The following LRIF1 variants were observed in gnomAD, a reference collection of about 807,000 sequenced individuals.
LRIF1 encodes the protein ligand dependent nuclear receptor interacting factor 1.
A neutral mutation model predicts 52.7 loss-of-function variants in LRIF1; 32 were observed. The ratio of observed to expected loss-of-function variants is 0.61; its 90% CI spans 0.46 to 0.82. The LOEUF (loss-of-function observed/expected upper bound fraction) is 0.82, where lower values mean the gene tolerates loss of function less well. Ranked by LOEUF, LRIF1 falls within the 40% of genes least tolerant of loss-of-function variation. The probability of loss-of-function intolerance (pLI) is 0.00; values close to 1 mark genes in which losing one functional copy is unlikely to be tolerated. For synonymous variants in LRIF1, 323 were observed against 317.4 expected (o/e 1.02, Z -0.19); for missense variants, 887 against 892.0 (o/e 0.99, Z 0.07).
chr1:110,963,516 C>A (rs780287350), intron 1 of LRIF1, 105 bp downstream of exon 1: 6 of 913,364 alleles, frequency 6.6e-6, no homozygotes, highest in Admixed American at 4.8e-5. Flanking sequence ...ACTCTGCGGG[C>A]TCCAACTCCT....
chr1:110,894,398 G>C, the LRIF1 span: 58 of 1,611,872 alleles, frequency 3.6e-5, no homozygotes, highest in Non-Finnish European at 4.9e-5. Context: ...TATATGAACA[G>C]AAGGTAAGTT....
intron 1 of LRIF1, chr1:110,963,339 G>A (rs150004065): frequency 5.1e-4 from 128 of 251,726 alleles, no homozygotes; most frequent in African/African-American, 2.7e-3. Flanking sequence ...GGCCATCTTG[G>A]TTTTCATCTC....
chr1:110,894,669 G>A, the LRIF1 span, among the ~76,000 whole-genome samples: 1 of 152,164 alleles, frequency 6.6e-6, no homozygotes. Context: ...TGGCAGGAGA[G>A]AATGTCTGCC....
the LRIF1 span, chr1:110,892,389 C>G: frequency 1.9e-6 from 3 of 1,613,982 alleles, no homozygotes; most frequent in African/African-American, 1.3e-5. Context: ...ACCTGCTGAT[C>G]CACAACAACT....
the LRIF1 span, among the ~76,000 whole-genome samples, chr1:110,907,477 C>T: frequency 1.4e-4 from 22 of 152,144 alleles, no homozygotes; most frequent in East Asian, 9.6e-4. Context: ...GAGCCAGGCG[C>T]GGTGGCTCAC....
the LRIF1 span, among the ~76,000 whole-genome samples, chr1:110,914,582 C>T: frequency 6.6e-6 from 1 of 152,006 alleles, no homozygotes; most frequent in Non-Finnish European, 1.5e-5. Flanking sequence ...GGTGAAACCC[C>T]GTCTCTACAA....
At chr1:110,952,928 C>T (rs958697606) in intron 1 of LRIF1, 113 bp from the exon 2 acceptor site, 3 of 614,078 alleles carry the variant, frequency 4.9e-6, no homozygotes, top group Non-Finnish European at 6.8e-6. Flanking sequence ...TATAATTTTC[C>T]ATTTTGAGTT....
chr1:110,900,750 C>CAAAAAAAAAAA, the LRIF1 span, among the ~76,000 whole-genome samples: 1 of 112,540 alleles, frequency 8.9e-6, no homozygotes, highest in Non-Finnish European at 1.8e-5. Context: ...AGCTCACACT[C>CAAAAAAAAAAA]AAAAAAAAAA....
At chr1:110,886,847 A>AGAT in the LRIF1 span, among the ~76,000 whole-genome samples, 32 of 37,750 alleles carry the variant, frequency 8.5e-4, no homozygotes, top group African/African-American at 1.7e-3. Flanking sequence ...TCTGTCTCCA[A>AGAT]TATATATATA....
intron 1 of LRIF1, among the ~76,000 whole-genome samples, chr1:110,962,061 T>TACAG: frequency 6.9e-6 from 1 of 143,894 alleles, no homozygotes; most frequent in East Asian, 2.0e-4. Flanking sequence ...GAGTTAAGGG[T>TACAG]ACACACACAC....
At chr1:110,897,880 A>G in the LRIF1 span, 2 of 1,603,984 alleles carry the variant, frequency 1.2e-6, no homozygotes, top group Non-Finnish European at 1.7e-6. Context: ...CCATCTGTGT[A>G]TGTGTGATTG....
At position 110,951,348 on chromosome 1, in the gene LRIF1, G is replaced by A. The variant is rs1293073439; in HGVS notation, c.1536C>T (p.Ser512=). 1 of 1,614,096 alleles carries A rather than the reference G, an allele frequency of 6.2e-7. No individual in the cohort carries two copies. The highest frequency in any genetic ancestry group is 2.2e-5 in the East Asian group (1 of 44,872). Residue 512 remains serine (S), a synonymous_variant, in exon 2 of 4, where the codon TCC becomes TCT. Coordinates refer to ENST00000369763, the MANE Select transcript of LRIF1 (RefSeq NM_018372.4). ...AAGTAACAGTTGTTGCATCAACAGA[G>A]GAACTTATTTTCTCTATGCTCTGGA... ...SVLQSIEKIS[S]SVDATTVTSQ... is the part of the protein sequence containing the mutation.
the LRIF1 span, chr1:110,896,555 G>C: frequency 9.2e-7 from 1 of 1,083,696 alleles, no homozygotes; most frequent in Non-Finnish European, 1.4e-6. Context: ...TTCTGCTATA[G>C]AGTCAGATCT....
the LRIF1 span, among the ~76,000 whole-genome samples, chr1:110,877,487 T>C: frequency 6.6e-6 from 1 of 152,200 alleles, no homozygotes; most frequent in Non-Finnish European, 1.5e-5. Context: ...TAACTGTTCC[T>C]GATTTACGAA....
chr1:110,921,221 T>A, the LRIF1 span, among the ~76,000 whole-genome samples: 10 of 152,040 alleles, frequency 6.6e-5, no homozygotes, highest in Non-Finnish European at 1.2e-4. Context: ...AAGTTACGAA[T>A]TTGGTAGTTA....
At chr1:110,886,850 TA>T in the LRIF1 span, among the ~76,000 whole-genome samples, 44 of 61,228 alleles carry the variant, frequency 7.2e-4, no homozygotes, top group African/African-American at 1.7e-3. Context: ...GTCTCCAATA[TA>T]TATATATATA....
Position 110,947,450 on chromosome 1 carries a change from A to C in LRIF1, c.*509T>G, listed in dbSNP as rs562034357. On this transcript the variant is annotated 3_prime_UTR_variant, in exon 4 of 4. Coordinates refer to ENST00000369763, the MANE Select transcript of LRIF1 (RefSeq NM_018372.4). The stretch of plus-strand genomic sequence containing the variant: ...TGTTTAAATAATGTTGCCATAATAC[A>C]TATTATTTCACGACATTAAAAAAAA... The C allele has an allele frequency of 6.6e-6, 1 of 152,468 alleles. No homozygotes were observed. The highest frequency in any genetic ancestry group is 2.1e-4 in the South Asian group (1 of 4,834). The allele number at this position is 152,468 out of a possible 1,614,324, so 9.4% of individuals were successfully genotyped here.
the LRIF1 span, among the ~76,000 whole-genome samples, chr1:110,892,071 C>G: frequency 6.6e-6 from 1 of 152,156 alleles, no homozygotes; most frequent in Middle Eastern, 3.2e-3. Context: ...GAAGTTAGAC[C>G]TATATATGGT....
the LRIF1 span, among the ~76,000 whole-genome samples, chr1:110,933,668 C>A: frequency 6.6e-6 from 1 of 152,296 alleles, no homozygotes; most frequent in East Asian, 1.9e-4. Context: ...GGGAATCACC[C>A]ATCCCAGAGG....
Sources: gnomAD v4.1 joint callset for allele counts (sites outside exome capture counted in the v4.1 genomes callset) on GRCh38, gnomAD v4.1.1 for gene constraint, MANE v1.5 for transcripts, NCBI Gene and HGNC (gene_info 2026-07-23, HGNC 2026-07-21) for gene names.